The following LRRC1 variants were observed in gnomAD, a reference collection of about 807,000 sequenced individuals.
The protein encoded by LRRC1 is leucine rich repeat containing 1.
Under a neutral mutation model 69.9 loss-of-function variants are expected in LRRC1, and 28 were observed. That is an observed-to-expected ratio of 0.40 (90% CI 0.30 to 0.55). LRRC1 has a LOEUF of 0.55. Ranked by LOEUF, LRRC1 falls within the 20% of genes least tolerant of loss-of-function variation. The probability of loss-of-function intolerance (pLI) is 0.47; values close to 1 mark genes in which losing one functional copy is unlikely to be tolerated. For synonymous variants in LRRC1, 236 were observed against 240.2 expected (o/e 0.98, Z 0.16); for missense variants, 498 against 609.0 (o/e 0.82, Z 1.92).
At chr6:53,799,312 T>C (rs1268152602) in intron 1 of LRRC1, among the ~76,000 whole-genome samples, 2 of 152,252 alleles carry the variant, frequency 1.3e-5, no homozygotes, top group African/African-American at 4.8e-5. Flanking sequence ...TCTTGTTCTT[T>C]GTCTCTCTCC....
At position 53,800,305 on chromosome 6, in the gene LRRC1, G is replaced by A. The variant is rs149467915; in HGVS notation, c.159+4890G>A. ...GTCTCTCTGTCACCCAGGCTTGAGT[G>A]CAGTGGCGCGATCTCAGCTCACTGC... On this transcript the variant is annotated intron_variant, in intron 1 of 13. Coordinates refer to ENST00000370888, the MANE Select transcript of LRRC1 (RefSeq NM_018214.5). Among the ~76,000 whole-genome samples, 280 of 127,962 alleles carry A rather than the reference G, an allele frequency of 2.2e-3. 2 individuals are homozygous for A. In the East Asian group the frequency reaches 0.049, roughly 22 times the overall value. 83.9% of individuals were successfully genotyped at this position (127,962 alleles called of 152,430 possible).
intron 2 of LRRC1, among the ~76,000 whole-genome samples, chr6:53,870,861 G>C (rs1766860406): frequency 6.6e-6 from 1 of 152,074 alleles, no homozygotes; most frequent in African/African-American, 2.4e-5. Context: ...AACTTCTTTA[G>C]GTTACACATA....
rs1380411376 is a variant in LRRC1, at chr6:53,832,828, C to T, written c.160-9282C>T. Among the ~76,000 whole-genome samples the T allele has an allele frequency of 2.6e-5, 4 of 152,046 alleles. No homozygotes were observed. The South Asian group carries it at 8.3e-4, about 31-fold the overall frequency. ...GATTTACCTTTTTAAAACAGTTTTT[C>T]TCCCTAAAATTTCTATTACATTTTT... On this transcript the variant is annotated intron_variant, in intron 1 of 13. Transcript: ENST00000370888.
At chr6:53,919,820 C>A in intron 12 of LRRC1, 150 bp downstream of exon 12, 1 of 595,476 alleles carries the variant, frequency 1.7e-6, no homozygotes. Context: ...TGGGACTCTT[C>A]CGGGAAGGTT....
intron 4 of LRRC1, among the ~76,000 whole-genome samples, chr6:53,887,035 C>G (rs1017848904): frequency 2.6e-5 from 4 of 152,126 alleles, no homozygotes; most frequent in Non-Finnish European, 4.4e-5. Flanking sequence ...CTCCTTTATT[C>G]CACTTGCTTC....
At chr6:53,881,933 T>G (rs1767303537) in intron 3 of LRRC1, among the ~76,000 whole-genome samples, 1 of 152,266 alleles carries the variant, frequency 6.6e-6, no homozygotes, top group Non-Finnish European at 1.5e-5. Flanking sequence ...GATTTTATTT[T>G]AAAGCCTTGT....
At chr6:53,855,106 C>A (rs557684261) in intron 2 of LRRC1, among the ~76,000 whole-genome samples, 1 of 152,266 alleles carries the variant, frequency 6.6e-6, no homozygotes, top group East Asian at 1.9e-4. Context: ...CTTCCTGGTA[C>A]CCAGGGCCAT....
At chr6:53,802,079 A>C (rs1338078233) in intron 1 of LRRC1, among the ~76,000 whole-genome samples, 2 of 152,206 alleles carry the variant, frequency 1.3e-5, no homozygotes. Flanking sequence ...GGTATGCTGT[A>C]CTGCCCGCCT....
At position 53,919,680 on chromosome 6, in the gene LRRC1, A is replaced by C. The variant is rs776244076; in HGVS notation, c.1279+10A>C. The C allele has an allele frequency of 5.0e-6, 8 of 1,610,972 alleles. No individual in the cohort carries two copies. Among genetic ancestry groups the C allele is most frequent in the Non-Finnish European group, 5.1e-6 (6 of 1,178,706 alleles). On this transcript the variant is annotated intron_variant, in intron 12 of 13. Transcript: ENST00000370888. The stretch of plus-strand genomic sequence containing the variant: ...GAACCTACTTGTCAAGGTGAATTTA[A>C]TTTAAGGACAGTATTCACAGGGCCA...
At chr6:53,807,483 C>T (rs1007165274) in intron 1 of LRRC1, among the ~76,000 whole-genome samples, 6 of 152,200 alleles carry the variant, frequency 3.9e-5, no homozygotes, top group African/African-American at 9.6e-5. Flanking sequence ...CAGTGGCTTA[C>T]GCCTGTAATC....
Position 53,795,179 on chromosome 6 carries a change from C to G in LRRC1, c.-78C>G. Reference sequence around the variant, plus strand: ...AGCGCGGAGAGGGCAGCGGACTGAGCGGAGCCGCCGGCCAGAGCGGGCTCG... The same window carrying G: ...AGCGCGGAGAGGGCAGCGGACTGAGGGGAGCCGCCGGCCAGAGCGGGCTCG... On this transcript the variant is annotated 5_prime_UTR_variant, in exon 1 of 14. Transcript: ENST00000370888. 1 of 1,340,934 alleles carries G rather than the reference C, an allele frequency of 7.5e-7. No individual in the cohort carries two copies. Among genetic ancestry groups the G allele is most frequent in the Non-Finnish European group, 1.0e-6 (1 of 998,212 alleles). The allele number at this position is 1,340,934 out of a possible 1,614,324, so 83.1% of individuals were successfully genotyped here. A position where few individuals can be genotyped will look rare whatever the true frequency, so the allele number is the denominator to read the frequency against.
intron 1 of LRRC1, among the ~76,000 whole-genome samples, chr6:53,826,945 A>G (rs1037543948): frequency 1.3e-5 from 2 of 152,122 alleles, no homozygotes; most frequent in African/African-American, 4.8e-5. Context: ...CCCAACTTGC[A>G]TAAGGTATAT....
In LRRC1 at chr6:53,795,125, G is replaced by A; in HGVS notation, c.-132G>A. 1.3e-6 allele frequency: 1 copy of A among 790,122 alleles called. No individual in the cohort carries two copies. Among genetic ancestry groups the A allele is most frequent in the Non-Finnish European group, 1.9e-6 (1 of 526,818 alleles). 48.9% of individuals were successfully genotyped at this position (790,122 alleles called of 1,614,324 possible). A position where few individuals can be genotyped will look rare whatever the true frequency, so the allele number is the denominator to read the frequency against. On this transcript the variant is annotated 5_prime_UTR_variant, in exon 1 of 14. Coordinates refer to ENST00000370888, the MANE Select transcript of LRRC1 (RefSeq NM_018214.5). ...CTTCCGACCGCGAAGCCCGGCGCGAGAAGCGAGCTAACCCAAGAGCCAACA... is the reference window on the plus strand; with the variant it reads ...CTTCCGACCGCGAAGCCCGGCGCGAAAAGCGAGCTAACCCAAGAGCCAACA...
chr6:53,873,452 C>G (rs564195007), intron 2 of LRRC1, among the ~76,000 whole-genome samples: 1 of 137,272 alleles, frequency 7.3e-6, no homozygotes, highest in Admixed American at 8.1e-5. Context: ...CCACCACGCC[C>G]GGCTAATTTT....
intron 1 of LRRC1, among the ~76,000 whole-genome samples, chr6:53,812,925 G>A (rs898265278): frequency 6.6e-6 from 1 of 151,830 alleles, no homozygotes; most frequent in African/African-American, 2.4e-5. Flanking sequence ...GTGGTGCCAG[G>A]CTTCTGATTT....
At chr6:53,835,240 T>C (rs1467708036) in intron 1 of LRRC1, among the ~76,000 whole-genome samples, 2 of 152,240 alleles carry the variant, frequency 1.3e-5, no homozygotes, top group Non-Finnish European at 2.9e-5. Context: ...TCGTTTTCCA[T>C]TTCCTAGGCA....
chr6:53,847,955 C>T (rs1260907169), intron 2 of LRRC1, among the ~76,000 whole-genome samples: 1 of 152,120 alleles, frequency 6.6e-6, no homozygotes, highest in Non-Finnish European at 1.5e-5. Context: ...CAAGTTTTTA[C>T]CCATGCGGAC....
chr6:53,886,758 G>A (rs974079503), intron 4 of LRRC1, among the ~76,000 whole-genome samples: 11 of 152,118 alleles, frequency 7.2e-5, no homozygotes, highest in African/African-American at 2.7e-4. Flanking sequence ...CTTTCATCAT[G>A]CCTTCCCCAA....
chr6:53,849,427 G>C (rs1766056737), intron 2 of LRRC1, among the ~76,000 whole-genome samples: 1 of 152,214 alleles, frequency 6.6e-6, no homozygotes, highest in Non-Finnish European at 1.5e-5. Flanking sequence ...CGTTTCTGTA[G>C]GTATCAGGTT....
Sources: gnomAD v4.1 joint callset for allele counts (sites outside exome capture counted in the v4.1 genomes callset) on GRCh38, gnomAD v4.1.1 for gene constraint, MANE v1.5 for transcripts, NCBI Gene and HGNC (gene_info 2026-07-23, HGNC 2026-07-21) for gene names.